Variants in ANOS1 observed in about 807,000 individuals in gnomAD.
ANOS1 encodes anosmin 1.
ANOS1 carries 6 observed loss-of-function variants against 59.0 expected under a neutral mutation model. The observed-to-expected ratio is 0.10, with a 90% CI of 0.06 to 0.20. The LOEUF (loss-of-function observed/expected upper bound fraction) is 0.20, where lower values mean the gene tolerates loss of function less well. ANOS1 is among the 10% of genes least tolerant of loss of function. ANOS1 has a pLI of 1.00. For synonymous variants in ANOS1, 217 were observed against 223.4 expected, an observed-to-expected ratio of 0.97 and a Z score of 0.25; for missense variants, 433 against 542.3, an observed-to-expected ratio of 0.80 and a Z score of 2.00.
chrX:8,625,840 C>T (rs764879931), intron 2 of ANOS1, among the ~76,000 whole-genome samples: 5 of 110,640 alleles, frequency 4.5e-5, no homozygotes, highest in South Asian at 3.8e-4. Context: ...TGGCCGGGCA[C>T]GGTGGCTCAC....
chrX:8,717,230 T>C (rs1932846656), intron 1 of ANOS1, among the ~76,000 whole-genome samples: 1 of 112,263 alleles, frequency 8.9e-6, no homozygotes, highest in South Asian at 3.7e-4. Context: ...CTTTTCAAAA[T>C]TGTGGAGTAA....
chrX:8,688,845 T>C (rs1932561835), intron 2 of ANOS1, among the ~76,000 whole-genome samples: 1 of 112,131 alleles, frequency 8.9e-6, no homozygotes, highest in African/African-American at 3.2e-5. Context: ...CTGGAATGTT[T>C]CAGCTACCAC....
chrX:8,639,634 G>A (rs1038302324), intron 2 of ANOS1, among the ~76,000 whole-genome samples: 3 of 111,840 alleles, frequency 2.7e-5, no homozygotes, highest in Non-Finnish European at 5.6e-5. Flanking sequence ...AGAAAAACAA[G>A]AAACTCATAT....
rs966332485 is a variant in ANOS1, at chrX:8,655,043, T to A, written c.256-31373A>T. On this transcript the variant is annotated intron_variant, in intron 2 of 13. Transcript: ENST00000262648. Reference sequence around the variant, plus strand: ...CAGGATCTGGTTTTGTGGAATATATTTTTTTTTTCCATGGACTGGGTGAGG... The same window carrying A: ...CAGGATCTGGTTTTGTGGAATATATATTTTTTTTCCATGGACTGGGTGAGG... 7.3e-5 allele frequency among the ~76,000 whole-genome samples: 8 copies of A among 109,831 alleles called. No homozygotes were observed. The East Asian group carries it at 8.5e-4, about 12-fold the overall frequency.
At chrX:8,553,365 G>A (rs768881970) in intron 9 of ANOS1, among the ~76,000 whole-genome samples, 18 of 111,598 alleles carry the variant, frequency 1.6e-4, no homozygotes, top group African/African-American at 5.5e-4. Context: ...CATGTATTAT[G>A]ATATTAAGAT....
intron 2 of ANOS1, among the ~76,000 whole-genome samples, chrX:8,682,601 C>A (rs1355536936): frequency 2.7e-5 from 3 of 111,169 alleles, no homozygotes; most frequent in African/African-American, 9.8e-5. Context: ...GATCACATAG[C>A]CCCTAAGTAG....
At chrX:8,728,002 GA>G (rs1932934663) in intron 1 of ANOS1, among the ~76,000 whole-genome samples, 1 of 112,580 alleles carries the variant, frequency 8.9e-6, no homozygotes, top group African/African-American at 3.2e-5. Context: ...CAGAAGAAAG[GA>G]AAACGTTTTA....
chrX:8,730,290 G>A (rs1360229306), intron 1 of ANOS1, among the ~76,000 whole-genome samples: 1 of 112,332 alleles, frequency 8.9e-6, no homozygotes. Context: ...CCTGGGGATC[G>A]GCCCTCTCCT....
chrX:8,716,706 G>A (rs1932843798), intron 1 of ANOS1, among the ~76,000 whole-genome samples: 1 of 111,546 alleles, frequency 9.0e-6, no homozygotes, highest in South Asian at 3.8e-4. Context: ...AGTCCTTTGG[G>A]AATGAAGGCA....
intron 8 of ANOS1, among the ~76,000 whole-genome samples, chrX:8,561,908 T>C (rs1930038654): frequency 9.0e-6 from 1 of 111,701 alleles, no homozygotes; most frequent in African/African-American, 3.3e-5. Flanking sequence ...ACTTGCTTTA[T>C]ATCCTAGGCA....
intron 2 of ANOS1, among the ~76,000 whole-genome samples, chrX:8,658,107 G>C (rs1001739569): frequency 3.6e-5 from 4 of 111,963 alleles, no homozygotes; most frequent in African/African-American, 1.3e-4. Flanking sequence ...TTCTCAGATA[G>C]AGAGTGGCAG....
intron 4 of ANOS1, among the ~76,000 whole-genome samples, chrX:8,590,802 A>G (rs981201144): frequency 4.5e-5 from 5 of 112,198 alleles, no homozygotes; most frequent in African/African-American, 1.6e-4. Flanking sequence ...CACTGCAACA[A>G]TGGTAATCCC....
rs983977837 is a variant in ANOS1 at position 8,587,129 on chromosome X, T to C, written c.726+665A>G. The stretch of plus-strand genomic sequence containing the variant: ...TATATCCATGTAGGGTTTGTGTGTG[T>C]GTGTGGGGGGGTGGTTAGCAGCTGG... On this transcript the variant is annotated intron_variant, in intron 5 of 13. Transcript: ENST00000262648. 8.8e-5 allele frequency among the ~76,000 whole-genome samples: 9 copies of C among 102,066 alleles called. No individual in the cohort carries two copies. In the East Asian group the frequency reaches 2.4e-3, roughly 27 times the overall value. 88.6% of individuals were successfully genotyped at this position (102,066 alleles called of 115,157 possible). A position where few individuals can be genotyped will look rare whatever the true frequency, so the allele number is the denominator to read the frequency against.
intron 2 of ANOS1, among the ~76,000 whole-genome samples, chrX:8,679,915 C>T (rs1210896608): frequency 9.0e-6 from 1 of 110,603 alleles, no homozygotes; most frequent in East Asian, 2.8e-4. Context: ...AATCCCAGCA[C>T]TTTGGGAGGC....
At chrX:8,548,804 T>C (rs1396715447) in intron 9 of ANOS1, among the ~76,000 whole-genome samples, 2 of 112,585 alleles carry the variant, frequency 1.8e-5, no homozygotes, top group African/African-American at 3.2e-5. Context: ...TATGTACTTA[T>C]TAGATGATGG....
At chrX:8,646,052 C>A (rs184872610) in intron 2 of ANOS1, among the ~76,000 whole-genome samples, 1,841 of 111,791 alleles carry the variant, frequency 0.016, 19 homozygotes, top group Non-Finnish European at 0.023. Context: ...CCTCAGCCTC[C>A]CAAAGTGCTG....
intron 2 of ANOS1, among the ~76,000 whole-genome samples, chrX:8,666,716 C>T (rs988776435): frequency 8.9e-6 from 1 of 112,269 alleles, no homozygotes; most frequent in Non-Finnish European, 1.9e-5. Flanking sequence ...AATGGACAGA[C>T]TGTTTTTGTA....
At chrX:8,544,499 G>A (rs775599742) in intron 9 of ANOS1, among the ~76,000 whole-genome samples, 29 of 102,074 alleles carry the variant, frequency 2.8e-4, no homozygotes, top group African/African-American at 1.0e-3. Context: ...ACTTTCTGAT[G>A]TACAACTAAA....
intron 9 of ANOS1, among the ~76,000 whole-genome samples, chrX:8,544,839 G>A (rs922726338): frequency 6.4e-5 from 7 of 109,427 alleles, no homozygotes; most frequent in Non-Finnish European, 1.3e-4. Flanking sequence ...GGCTGAGGTG[G>A]GTGGATCTCC....
Sources: allele counts gnomAD v4.1 joint callset (sites outside exome capture counted in the v4.1 genomes callset), GRCh38; gene constraint gnomAD v4.1.1; transcripts MANE v1.5; gene names NCBI Gene and HGNC (gene_info 2026-07-23, HGNC 2026-07-21).